Variants in ATP11A observed in about 807,000 individuals in gnomAD.
ATP11A encodes the protein ATPase phospholipid transporting 11A.
A neutral mutation model predicts 154.4 loss-of-function variants in ATP11A; 81 were observed. The observed-to-expected ratio is 0.52, with a 90% CI of 0.44 to 0.63. ATP11A has a LOEUF of 0.63. ATP11A is among the 30% of genes least tolerant of loss of function. ATP11A has a pLI of 0.00. For synonymous variants in ATP11A, 623 were observed against 585.9 expected, an observed-to-expected ratio of 1.06 and a Z score of -0.91; for missense variants, 1,316 against 1,474.3, an observed-to-expected ratio of 0.89 and a Z score of 1.76.
chr13:112,848,071 A>C (rs1024772786), intron 17 of ATP11A, among the ~76,000 whole-genome samples: 1 of 152,220 alleles, frequency 6.6e-6, no homozygotes, highest in Non-Finnish European at 1.5e-5. Context: ...TCCACGGGCA[A>C]CTGAGTAAGA....
At chr13:112,782,708 A>T (rs1431426115) in intron 1 of ATP11A, among the ~76,000 whole-genome samples, 6 of 152,112 alleles carry the variant, frequency 3.9e-5, no homozygotes, top group African/African-American at 1.4e-4. Context: ...CCTCGTGGGG[A>T]GGGGCAGCCA....
At chr13:112,721,059 C>T (rs1008643908) in intron 1 of ATP11A, among the ~76,000 whole-genome samples, 4 of 152,080 alleles carry the variant, frequency 2.6e-5, no homozygotes, top group East Asian at 3.9e-4. Context: ...GAGCTACTGC[C>T]GCCAGCTGAG....
Position 112,884,968 on chromosome 13 carries a change from G to C in ATP11A, c.*3102G>C, listed in dbSNP as rs1416843285. ...CACTCATAGCCATGTCCACATGGGG[G>C]CTTGCACACAGGATCACTCACATAT... On this transcript the variant is annotated 3_prime_UTR_variant, in exon 30 of 30. Coordinates refer to ENST00000375645, the MANE Select transcript of ATP11A (RefSeq NM_015205.3). 2 of 152,420 alleles carry C rather than the reference G, an allele frequency of 1.3e-5. No homozygotes were observed. Among genetic ancestry groups the C allele is most frequent in the Non-Finnish European group, 2.9e-5 (2 of 68,146 alleles). The allele number at this position is 152,420 out of a possible 1,614,324, so 9.4% of individuals were successfully genotyped here.
intron 1 of ATP11A, among the ~76,000 whole-genome samples, chr13:112,777,049 A>G (rs1466619802): frequency 6.6e-6 from 1 of 152,158 alleles, no homozygotes; most frequent in African/African-American, 2.4e-5. Flanking sequence ...TTTGGAGTTC[A>G]TGCTCCTGTG....
chr13:112,698,750 CT>C (rs1453230018), intron 1 of ATP11A, among the ~76,000 whole-genome samples: 1 of 15,044 alleles, frequency 6.6e-5, no homozygotes, highest in African/African-American at 7.7e-5. Flanking sequence ...CAAGGTCTCA[CT>C]CTGTCACCCA....
intron 24 of ATP11A, among the ~76,000 whole-genome samples, chr13:112,862,062 A>ATCACGTCAGGCGTAAGGCG (rs1420314977): frequency 3.0e-5 from 3 of 98,930 alleles, no homozygotes; most frequent in African/African-American, 6.4e-5. Context: ...GGCGTAAGGC[A>ATCACGTCAGGCGTAAGGCG]TCACGTCAGG....
At chr13:112,764,538 C>T (rs990168571) in intron 1 of ATP11A, among the ~76,000 whole-genome samples, 11 of 152,228 alleles carry the variant, frequency 7.2e-5, no homozygotes, top group African/African-American at 2.4e-4. Context: ...TGGGCCCCCA[C>T]CCTGCCTCCC....
intron 1 of ATP11A, among the ~76,000 whole-genome samples, chr13:112,720,695 C>T (rs1285734298): frequency 6.6e-6 from 1 of 152,082 alleles, no homozygotes; most frequent in African/African-American, 2.4e-5. Context: ...GTAGCTGGGA[C>T]TACAGGTGTG....
chr13:112,855,350 C>T (rs913990227), intron 19 of ATP11A, among the ~76,000 whole-genome samples: 4 of 152,164 alleles, frequency 2.6e-5, no homozygotes, highest in African/African-American at 9.7e-5. Flanking sequence ...TAAAAGCGCT[C>T]ACCTTTTAAT....
At chr13:112,761,642 T>G (rs1594587224) in intron 1 of ATP11A, among the ~76,000 whole-genome samples, 1 of 135,824 alleles carries the variant, frequency 7.4e-6, no homozygotes, top group African/African-American at 2.7e-5. Flanking sequence ...TCCCCTGGGG[T>G]CTTAGAAGCA....
intron 14 of ATP11A, 145 bp downstream of exon 14, chr13:112,833,168 C>T: frequency 1.9e-6 from 2 of 1,028,280 alleles, no homozygotes; most frequent in Non-Finnish European, 1.4e-6. Context: ...CACCCAGCTT[C>T]TCTGGACCCC....
At chr13:112,730,893 A>G (rs1271842579) in intron 1 of ATP11A, among the ~76,000 whole-genome samples, 1 of 152,168 alleles carries the variant, frequency 6.6e-6, no homozygotes, top group Non-Finnish European at 1.5e-5. Flanking sequence ...GTCTTCGGGC[A>G]GCACTTTCTC....
intron 17 of ATP11A, among the ~76,000 whole-genome samples, 186 bp downstream of exon 17, chr13:112,842,565 G>A (rs985013955): frequency 2.0e-5 from 3 of 152,226 alleles, no homozygotes; most frequent in African/African-American, 2.4e-5. Flanking sequence ...GGGGGCCTCC[G>A]ATACCCAGCC....
chr13:112,752,231 G>A (rs972205237), intron 1 of ATP11A, among the ~76,000 whole-genome samples: 46 of 152,216 alleles, frequency 3.0e-4, no homozygotes, highest in African/African-American at 1.1e-3. Context: ...CAGTGACGGC[G>A]GCTGTGTCAG....
At chr13:112,867,444 G>A (rs567738239) in intron 25 of ATP11A, among the ~76,000 whole-genome samples, 18 of 152,328 alleles carry the variant, frequency 1.2e-4, no homozygotes, top group African/African-American at 4.1e-4. Context: ...GCAAGGACAC[G>A]GGCGCCACTG....
intron 1 of ATP11A, among the ~76,000 whole-genome samples, chr13:112,742,672 A>G (rs1359162200): frequency 6.6e-6 from 1 of 152,198 alleles, no homozygotes; most frequent in Non-Finnish European, 1.5e-5. Flanking sequence ...AGCCTGCTCC[A>G]TTTTATTTCA....
At chr13:112,695,821 GT>G (rs1420605750) in intron 1 of ATP11A, among the ~76,000 whole-genome samples, 1 of 152,202 alleles carries the variant, frequency 6.6e-6, no homozygotes, top group African/African-American at 2.4e-5. Context: ...AGATTCTCAA[GT>G]CCCAGACTTA....
intron 29 of ATP11A, chr13:112,880,478 C>T (rs2080852019): frequency 8.2e-7 from 1 of 1,222,598 alleles, no homozygotes; most frequent in Non-Finnish European, 1.1e-6. Flanking sequence ...ATGGTGCAGG[C>T]AGAGGCCCGA....
At chr13:112,867,823 G>A (rs553144050) in intron 25 of ATP11A, among the ~76,000 whole-genome samples, 132 of 152,318 alleles carry the variant, frequency 8.7e-4, no homozygotes, top group African/African-American at 2.8e-3. Context: ...TGGTCCTTAC[G>A]TAGCAATTTG....
Sources: allele counts gnomAD v4.1 joint callset (sites outside exome capture counted in the v4.1 genomes callset), GRCh38; gene constraint gnomAD v4.1.1; transcripts MANE v1.5; gene names NCBI Gene and HGNC (gene_info 2026-07-23, HGNC 2026-07-21).